Variants in CD40LG observed in about 807,000 individuals in gnomAD.
CD40LG encodes the protein CD40 ligand, also known as CD40 antigen ligand.
Under a neutral mutation model 17.2 loss-of-function variants are expected in CD40LG, and 1 was observed. The observed-to-expected ratio is 0.06, with a 90% CI of 0.02 to 0.28. CD40LG has a LOEUF of 0.28. CD40LG is among the 10% of genes least tolerant of loss of function. CD40LG has a pLI of 1.00. For missense variants in CD40LG, 133 were observed against 193.2 expected (o/e 0.69, Z 1.85); for synonymous variants, 66 against 74.4 (o/e 0.89, Z 0.58).
chrX:136,650,951 G>C (rs768070649), intron 2 of CD40LG, among the ~76,000 whole-genome samples: 30 of 110,871 alleles, frequency 2.7e-4, no homozygotes, highest in African/African-American at 8.9e-4. Context: ...GACATTCTCA[G>C]TGTCGCTCAA....
chrX:136,651,942 C>T (rs911306959), intron 2 of CD40LG, among the ~76,000 whole-genome samples: 2 of 111,267 alleles, frequency 1.8e-5, no homozygotes, highest in African/African-American at 6.5e-5. Flanking sequence ...GAGACTTTTA[C>T]GGTTGAATTG....
intron 2 of CD40LG, among the ~76,000 whole-genome samples, chrX:136,652,343 A>G (rs1414391766): frequency 8.9e-6 from 1 of 111,823 alleles, no homozygotes; most frequent in Non-Finnish European, 1.9e-5. Flanking sequence ...AAAATTCGAG[A>G]CTTTGAAAAA....
rs1477244811 is a variant in CD40LG at position 136,648,206 on chromosome X, C to T, written c.-43C>T. ...TGACAGTCTTCTCATGCTGCCTCTG[C>T]CACCTTCTCTGCCAGAAGATACCAT... On this transcript the variant is annotated 5_prime_UTR_variant, in exon 1 of 5. Transcript: ENST00000370629. The T allele has an allele frequency of 9.2e-7, 1 of 1,091,653 alleles. No homozygotes were observed. The highest frequency in any genetic ancestry group is 1.8e-5 in the South Asian group (1 of 54,358). The allele number at this position is 1,091,653 out of a possible 1,213,427, so 90.0% of individuals were successfully genotyped here. A position where few individuals can be genotyped will look rare whatever the true frequency, so the allele number is the denominator to read the frequency against.
At chrX:136,651,175 C>G (rs2076102970) in intron 2 of CD40LG, among the ~76,000 whole-genome samples, 1 of 110,947 alleles carries the variant, frequency 9.0e-6, no homozygotes, top group South Asian at 3.9e-4. Context: ...GGTCTAGGGG[C>G]TCTTTCTCCT....
Position 136,660,105 on chromosome X carries a change from A to AACACACACACACACACAC in CD40LG, c.*726_*743dup, listed in dbSNP as rs56074249. On this transcript the variant is annotated 3_prime_UTR_variant, in exon 5 of 5. Coordinates refer to ENST00000370629, the MANE Select transcript of CD40LG (RefSeq NM_000074.3). ...GTCTCTCTTCTCAATCCCCCTTTCT[A>AACACACACACACACACAC]ACACACACACACACACACACACACA... is the stretch of plus-strand genomic sequence containing the variant. 3 of 37,987 alleles carry AACACACACACACACACAC rather than the reference A, an allele frequency of 7.9e-5. 1 individual carries two copies. Among genetic ancestry groups the AACACACACACACACACAC allele is most frequent in the African/African-American group, 2.7e-4 (3 of 11,077 alleles). The allele number at this position is 37,987 out of a possible 1,213,427, so 3.1% of individuals were successfully genotyped here.
chrX:136,656,123 C>T (rs1468726150), intron 3 of CD40LG, among the ~76,000 whole-genome samples: 9 of 112,020 alleles, frequency 8.0e-5, no homozygotes, highest in South Asian at 3.7e-4. Flanking sequence ...AAAATGGAAT[C>T]GAGTATTGAT....
In CD40LG at chrX:136,659,279, C is replaced by G. The variant is rs773594916; in HGVS notation, c.650C>G (p.Pro217Arg). Residue 217 changes from proline (P) to arginine (R), a missense_variant, in exon 5 of 5, where the codon CCT becomes CGT. By Grantham distance (103) the Pro-to-Arg change is moderately radical. Coordinates refer to ENST00000370629, the MANE Select transcript of CD40LG (RefSeq NM_000074.3). Reference protein sequence around the residue: ...RAANTHSSAKPCGQQSIHLGG... With the variant: ...RAANTHSSAKRCGQQSIHLGG... ...GCAAATACCCACAGTTCCGCCAAAC[C>G]TTGCGGGCAACAATCCATTCACTTG... is the stretch of plus-strand genomic sequence containing the variant. 8.3e-7 allele frequency: 1 copy of G among 1,209,954 alleles called. No homozygotes were observed. The highest frequency in any genetic ancestry group is 1.7e-5 in the African/African-American group (1 of 57,291).
rs776011291 is a variant in CD40LG, at chrX:136,655,363, G to A, written c.346+933G>A. Among the ~76,000 whole-genome samples the A allele has an allele frequency of 1.3e-4, 14 of 111,711 alleles. No individual in the cohort carries two copies. The South Asian group carries it at 1.5e-3, about 12-fold the overall frequency. On this transcript the variant is annotated intron_variant, in intron 3 of 4. Coordinates refer to ENST00000370629, the MANE Select transcript of CD40LG (RefSeq NM_000074.3). ...ACCTCCTTTTCTTGGACACACTAAC[G>A]TTTTCCTGTTCTTTTAGAATGTGGC...
intron 4 of CD40LG, among the ~76,000 whole-genome samples, chrX:136,657,345 A>T (rs1036132905): frequency 2.7e-5 from 3 of 111,690 alleles, no homozygotes; most frequent in African/African-American, 9.8e-5. Flanking sequence ...CCAAAGTAAG[A>T]GCACTGAATA....
intron 1 of CD40LG, among the ~76,000 whole-genome samples, chrX:136,649,550 G>A (rs3138063): frequency 0.08 from 8,968 of 111,844 alleles, 821 homozygotes; most frequent in African/African-American, 0.26. Context: ...GATATTTACC[G>A]TACTATTTAC....
Position 136,659,474 on chromosome X carries a change from C to G in CD40LG, c.*59C>G. 8.7e-7 allele frequency: 1 copy of G among 1,147,737 alleles called. No individual in the cohort carries two copies. The allele number at this position is 1,147,737 out of a possible 1,213,427, so 94.6% of individuals were successfully genotyped here. On this transcript the variant is annotated 3_prime_UTR_variant, in exon 5 of 5. Transcript: ENST00000370629. ...CGCTGGGAGTCTTCATAATACAGCACAGCGGTTAAGCCCACCCCCTGTTAA... is the reference window on the plus strand; with the variant it reads ...CGCTGGGAGTCTTCATAATACAGCAGAGCGGTTAAGCCCACCCCCTGTTAA...
chrX:136,652,281 A>G (rs994313868), intron 2 of CD40LG, among the ~76,000 whole-genome samples: 1 of 111,031 alleles, frequency 9.0e-6, no homozygotes, highest in African/African-American at 3.3e-5. Flanking sequence ...TCCTCCCCCA[A>G]TGACGGATCC....
rs1292065934 is a variant in CD40LG, at chrX:136,659,418, A to G, written c.*3A>G. 8.3e-7 allele frequency: 1 copy of G among 1,208,733 alleles called. No individual in the cohort carries two copies. ...CCTTTGGCTTACTCAAACTCTGAAC[A>G]GTGTCACCTTGCAGGCTGTGGTGGA... is the stretch of plus-strand genomic sequence containing the variant. On this transcript the variant is annotated 3_prime_UTR_variant, in exon 5 of 5. Coordinates refer to ENST00000370629, the MANE Select transcript of CD40LG (RefSeq NM_000074.3).
chrX:136,652,777 C>T (rs1045222935), intron 2 of CD40LG, among the ~76,000 whole-genome samples: 1 of 111,631 alleles, frequency 9.0e-6, no homozygotes, highest in African/African-American at 3.3e-5. Flanking sequence ...TGATTATTTG[C>T]CCACCAATGC....
chrX:136,652,059 T>C (rs1224301880), intron 2 of CD40LG, among the ~76,000 whole-genome samples: 4 of 111,353 alleles, frequency 3.6e-5, no homozygotes, highest in African/African-American at 1.3e-4. Context: ...TCCCTGCTTA[T>C]GCTTGTATGA....
rs184885238 is a variant in CD40LG at position 136,657,127 on chromosome X, G to A, written c.409+709G>A. Among the ~76,000 whole-genome samples, 16 of 111,918 alleles carry A rather than the reference G, an allele frequency of 1.4e-4. No homozygotes were observed. The East Asian group carries it at 3.6e-3, about 25-fold the overall frequency. On this transcript the variant is annotated intron_variant, in intron 4 of 4. Coordinates refer to ENST00000370629, the MANE Select transcript of CD40LG (RefSeq NM_000074.3). ...CTCCCATCAACATAAAGGCAAGAGC[G>A]TCAGAGGAGTCTTTGAAAAATTCTA...
chrX:136,650,144 C>G (rs1471341804), intron 1 of CD40LG, 122 bp from the exon 2 acceptor site: 1 of 509,485 alleles, frequency 2.0e-6, no homozygotes, highest in Non-Finnish European at 3.5e-6. Flanking sequence ...ACTTATTATT[C>G]TCCATTTATG....
intron 1 of CD40LG, 109 bp downstream of exon 1, chrX:136,648,513 C>A: frequency 1.4e-6 from 1 of 709,393 alleles, no homozygotes; most frequent in Middle Eastern, 4.2e-4. Flanking sequence ...GAAGAATGGT[C>A]TTGTGGCATA....
At chrX:136,653,840 C>A (rs1193500932) in intron 2 of CD40LG, among the ~76,000 whole-genome samples, 1 of 112,251 alleles carries the variant, frequency 8.9e-6, no homozygotes, top group Non-Finnish European at 1.9e-5. Context: ...ATCTCTTCAG[C>A]CCATTGAAAG....
Sources: gnomAD v4.1 joint callset for allele counts (sites outside exome capture counted in the v4.1 genomes callset) on GRCh38, gnomAD v4.1.1 for gene constraint, MANE v1.5 for transcripts, NCBI Gene and HGNC (gene_info 2026-07-23, HGNC 2026-07-21) for gene names.